HTR2A: variants seen among roughly 807,000 people sequenced by gnomAD.
HTR2A encodes the protein 5-HT2 receptor.
HTR2A carries 14 observed loss-of-function variants against 31.0 expected under a neutral mutation model. The observed-to-expected ratio is 0.45, with a 90% confidence interval of 0.30 to 0.71. HTR2A has a LOEUF of 0.71. HTR2A is among the 30% of genes least tolerant of loss of function. The pLI is 0.09. For synonymous variants in HTR2A, 209 were observed against 225.2 expected (o/e 0.93, Z 0.64); for missense variants, 442 against 573.3 (o/e 0.77, Z 2.34).
At chr13:46,842,964 C>T (rs1342718351) in intron 3 of HTR2A, among the ~76,000 whole-genome samples, 1 of 152,182 alleles carries the variant, frequency 6.6e-6, no homozygotes, top group African/African-American at 2.4e-5. Flanking sequence ...ATAAACAATT[C>T]GTAAGTTTTA....
chr13:46,840,671 A>T (rs1950590878), intron 3 of HTR2A, among the ~76,000 whole-genome samples: 1 of 152,160 alleles, frequency 6.6e-6, no homozygotes, highest in Non-Finnish European at 1.5e-5. Flanking sequence ...GTGGATTTTT[A>T]AAAACTGCTT....
Position 46,860,937 on chromosome 13 carries a change from A to G in HTR2A, c.614-25298T>C, listed in dbSNP as rs1435014298. Among the ~76,000 whole-genome samples the G allele has an allele frequency of 2.0e-5, 3 of 152,210 alleles. No individual in the cohort carries two copies. In the East Asian group the frequency reaches 5.8e-4, roughly 29 times the overall value. On this transcript the variant is annotated intron_variant, in intron 3 of 3. Coordinates refer to ENST00000542664, the MANE Select transcript of HTR2A (RefSeq NM_000621.5). ...GCACAGGGAGCTTGATGAAAAATGA[A>G]TGGCTCCCAGGCAGAATTTCCACAA...
intron 3 of HTR2A, among the ~76,000 whole-genome samples, chr13:46,857,318 A>T (rs1950745907): frequency 6.8e-6 from 1 of 146,380 alleles, no homozygotes; most frequent in South Asian, 2.2e-4. Context: ...AAAAAAAATC[A>T]TTGCCCACAG....
chr13:46,874,440 C>A (rs147534270), intron 3 of HTR2A, among the ~76,000 whole-genome samples: 3 of 152,306 alleles, frequency 2.0e-5, no homozygotes, highest in Non-Finnish European at 4.4e-5. Flanking sequence ...CTTTTTCCCT[C>A]CCTTCTCTTC....
chr13:46,868,496 T>C (rs1230836461), intron 3 of HTR2A, among the ~76,000 whole-genome samples: 3 of 152,250 alleles, frequency 2.0e-5, no homozygotes, highest in African/African-American at 4.8e-5. Context: ...TTGTGTCTAA[T>C]ATTTCCCCAA....
chr13:46,843,204 T>C (rs928839589), intron 3 of HTR2A, among the ~76,000 whole-genome samples: 3 of 152,214 alleles, frequency 2.0e-5, no homozygotes, highest in African/African-American at 7.2e-5. Flanking sequence ...GTAGTGAGGT[T>C]GGCATATTGT....
intron 3 of HTR2A, among the ~76,000 whole-genome samples, chr13:46,888,236 G>A (rs1398345790): frequency 1.3e-5 from 2 of 152,112 alleles, no homozygotes; most frequent in African/African-American, 4.8e-5. Context: ...TGTCAAAGTG[G>A]CCAAAGTCAC....
chr13:46,835,198 G>A lies in HTR2A; in HGVS notation c.1055C>T (p.Ser352Phe). ...TNIMAVICKE[S>F]CNEDVIGALL... is the part of the protein sequence containing the mutation. ...GGCCCCAATGACATCCTCATTGCAG[G>A]ACTCTTTGCAGATGACGGCCATGAT... The change falls in exon 4 of 4, where the codon TCC (serine) becomes TTC (phenylalanine). Residue 352 changes from serine (S) to phenylalanine (F), a missense_variant. Ser to Phe is a radical substitution (Grantham distance 155). Coordinates refer to ENST00000542664, the MANE Select transcript of HTR2A (RefSeq NM_000621.5). 1 of 1,614,058 alleles carries A rather than the reference G, an allele frequency of 6.2e-7. No homozygotes were observed. The highest frequency in any genetic ancestry group is 1.1e-5 in the South Asian group (1 of 91,072).
At chr13:46,865,354 AGT>A (rs1342620641) in intron 3 of HTR2A, among the ~76,000 whole-genome samples, 2 of 152,266 alleles carry the variant, frequency 1.3e-5, no homozygotes, top group Non-Finnish European at 2.9e-5. Flanking sequence ...ATTTAAGGTC[AGT>A]GAGTACATGA....
chr13:46,837,630 C>T (rs1950570943), intron 3 of HTR2A, among the ~76,000 whole-genome samples: 1 of 152,188 alleles, frequency 6.6e-6, no homozygotes, highest in South Asian at 2.1e-4. Context: ...GCCACTGCCT[C>T]ACTCTTGCCA....
intron 3 of HTR2A, among the ~76,000 whole-genome samples, chr13:46,879,393 T>C (rs1385237910): frequency 1.3e-5 from 2 of 152,190 alleles, no homozygotes; most frequent in Non-Finnish European, 2.9e-5. Flanking sequence ...TTGGTGACCT[T>C]GACAAGAACA....
chr13:46,841,235 C>G (rs978867386), intron 3 of HTR2A, among the ~76,000 whole-genome samples: 2 of 152,086 alleles, frequency 1.3e-5, no homozygotes, highest in African/African-American at 2.4e-5. Flanking sequence ...AGTGTGAGAA[C>G]AGACTAATAC....
chr13:46,855,925 C>G (rs1950733017), intron 3 of HTR2A, among the ~76,000 whole-genome samples: 1 of 152,160 alleles, frequency 6.6e-6, no homozygotes, highest in Non-Finnish European at 1.5e-5. Flanking sequence ...AATGGTCTTT[C>G]TCCTCTGGCT....
chr13:46,875,619 C>T (rs764031185), intron 3 of HTR2A, among the ~76,000 whole-genome samples: 22 of 152,110 alleles, frequency 1.4e-4, no homozygotes, highest in Admixed American at 1.1e-3. Flanking sequence ...TAAACAGGGC[C>T]CTAGAGTGTG....
intron 3 of HTR2A, among the ~76,000 whole-genome samples, chr13:46,857,248 G>C (rs536680501): frequency 6.6e-6 from 1 of 150,502 alleles, no homozygotes; most frequent in South Asian, 2.1e-4. Flanking sequence ...TCAGTGAGCT[G>C]AGATCATACC....
rs1318016724 is a variant in HTR2A, at chr13:46,895,397, T to G, written c.412+98A>C. The G allele has an allele frequency of 1.9e-6, 2 of 1,028,188 alleles. No individual in the cohort carries two copies. The highest frequency in any genetic ancestry group is 5.1e-5 in the East Asian group (2 of 39,056). The allele number at this position is 1,028,188 out of a possible 1,614,324, so 63.7% of individuals were successfully genotyped here. On this transcript the variant is annotated intron_variant, in intron 2 of 3. Transcript: ENST00000542664. The surrounding 1 kb of genome is among the most constrained non-coding windows in gnomAD (Gnocchi z 4.4). ...GTCTATAAACAAAGACTTCTATTTA[T>G]AGTTTGTTTGCCCCCTGAGCCCCAT...
chr13:46,874,879 G>A (rs1041811535), intron 3 of HTR2A, among the ~76,000 whole-genome samples: 2 of 152,334 alleles, frequency 1.3e-5, no homozygotes, highest in Admixed American at 1.3e-4. Context: ...TGCCTAAGGT[G>A]GAAATAGTAG....
intron 3 of HTR2A, among the ~76,000 whole-genome samples, chr13:46,876,402 ATAT>A (rs1431260377): frequency 2.9e-4 from 23 of 78,510 alleles, no homozygotes; most frequent in Middle Eastern, 7.6e-3. Flanking sequence ...ATATATATAT[ATAT>A]TTTTTTTTTT....
chr13:46,843,865 A>G (rs893466300), intron 3 of HTR2A, among the ~76,000 whole-genome samples: 1 of 152,144 alleles, frequency 6.6e-6, no homozygotes, highest in African/African-American at 2.4e-5. Flanking sequence ...TTGCATACAA[A>G]ACACATTATT....
Sources: allele counts gnomAD v4.1 joint callset (sites outside exome capture counted in the v4.1 genomes callset), GRCh38; gene constraint gnomAD v4.1.1; non-coding constraint Gnocchi (gnomAD v3.1); transcripts MANE v1.5; gene names NCBI Gene and HGNC (gene_info 2026-07-23, HGNC 2026-07-21).